CPXM2: variants seen among roughly 807,000 people sequenced by gnomAD.
The protein encoded by CPXM2 is carboxypeptidase X, M14 family member 2, also known as inactive carboxypeptidase-like protein X2.
Under a neutral mutation model 86.1 loss-of-function variants are expected in CPXM2, and 66 were observed. The ratio of observed to expected loss-of-function variants is 0.77; its 90% CI spans 0.63 to 0.94. CPXM2 has a LOEUF of 0.94. Among genes scored for constraint, CPXM2 ranks in the 40% least tolerant of loss-of-function variants. The pLI is 0.00. For missense variants in CPXM2, 948 were observed against 1,026.3 expected (o/e 0.92, Z 1.04); for synonymous variants, 388 against 400.2 (o/e 0.97, Z 0.36).
chr10:123,904,464 G>A (rs755698583), intron 2 of CPXM2, among the ~76,000 whole-genome samples: 5 of 152,172 alleles, frequency 3.3e-5, no homozygotes, highest in South Asian at 2.1e-4. Flanking sequence ...CCACCTCACC[G>A]ACCAGTTGTG....
At chr10:123,883,199 G>C (rs1345367247) in intron 1 of CPXM2, among the ~76,000 whole-genome samples, 1 of 152,230 alleles carries the variant, frequency 6.6e-6, no homozygotes, top group Admixed American at 6.5e-5. Context: ...TGACTCCCCT[G>C]GCAGGGGGAT....
chr10:123,825,388 C>T (rs918585267), intron 4 of CPXM2, among the ~76,000 whole-genome samples: 6 of 152,236 alleles, frequency 3.9e-5, no homozygotes, highest in African/African-American at 9.6e-5. Flanking sequence ...CAGCTGAATG[C>T]AGCAGGCCGT....
At chr10:123,906,820 G>T (rs1945446564) in intron 2 of CPXM2, among the ~76,000 whole-genome samples, 1 of 152,176 alleles carries the variant, frequency 6.6e-6, no homozygotes, top group Admixed American at 6.5e-5. Context: ...CCAAGGACCA[G>T]GATGGAAAGC....
At chr10:123,750,862 C>T (rs1245493241) in intron 13 of CPXM2, 2 of 985,322 alleles carry the variant, frequency 2.0e-6, no homozygotes, top group African/African-American at 1.7e-5. Context: ...CAGTTCTTGG[C>T]TGTTTTCCCC....
Position 123,785,730 on chromosome 10 carries a change from T to C in CPXM2, c.890-5475A>G, listed in dbSNP as rs571094300. ...TCACTGCAAGCTCCGCCTCCCGGGTTCACGCCATTCTCCTGTCTCAGCCTC... is the reference window on the plus strand; with the variant it reads ...TCACTGCAAGCTCCGCCTCCCGGGTCCACGCCATTCTCCTGTCTCAGCCTC... On this transcript the variant is annotated intron_variant, in intron 6 of 13. Transcript: ENST00000241305. Among the ~76,000 whole-genome samples, 14 of 152,036 alleles carry C rather than the reference T, an allele frequency of 9.2e-5. No individual in the cohort carries two copies. In the South Asian group the frequency reaches 1.7e-3, roughly 18 times the overall value.
intron 6 of CPXM2, among the ~76,000 whole-genome samples, chr10:123,787,419 CTT>C (rs1218078829): frequency 6.6e-6 from 1 of 151,942 alleles, no homozygotes; most frequent in African/African-American, 2.4e-5. Flanking sequence ...AAGTTTTGCT[CTT>C]GTCACCCAGC....
chr10:123,747,277 A>G (rs575522793), intron 13 of CPXM2, among the ~76,000 whole-genome samples: 1 of 152,226 alleles, frequency 6.6e-6, no homozygotes, highest in South Asian at 2.1e-4. Flanking sequence ...AAAGCTGGAG[A>G]GCCGATCACT....
chr10:123,771,528 T>C (rs1846631005), intron 7 of CPXM2, among the ~76,000 whole-genome samples: 1 of 152,144 alleles, frequency 6.6e-6, no homozygotes, highest in Non-Finnish European at 1.5e-5. Flanking sequence ...GAGTGAGCCC[T>C]CACCAGACCC....
chr10:123,791,848 G>A (rs1004407086), intron 6 of CPXM2, among the ~76,000 whole-genome samples: 4 of 152,204 alleles, frequency 2.6e-5, no homozygotes, highest in South Asian at 2.1e-4. Flanking sequence ...GCAGTCAGTC[G>A]TGGCGAGCCC....
chr10:123,880,695 G>A (rs1425136887), intron 1 of CPXM2, among the ~76,000 whole-genome samples: 2 of 151,764 alleles, frequency 1.3e-5, no homozygotes, highest in Admixed American at 6.6e-5. Context: ...CAGGCATGGT[G>A]GCGGGCACCT....
intron 10 of CPXM2, among the ~76,000 whole-genome samples, 192 bp downstream of exon 10, chr10:123,766,781 C>G (rs959157194): frequency 6.6e-6 from 1 of 152,122 alleles, no homozygotes; most frequent in African/African-American, 2.4e-5. Context: ...GATGATTTCT[C>G]CTCTATGAAG....
Position 123,933,442 on chromosome 10 carries a change from G to C in CPXM2, n.174+6035C>G, listed in dbSNP as rs1945685615. Among the ~76,000 whole-genome samples, 2 of 152,198 alleles carry C rather than the reference G, an allele frequency of 1.3e-5. 1 individual carries two copies. Among genetic ancestry groups the C allele is most frequent in the South Asian group, 4.1e-4 (2 of 4,828 alleles). Reference sequence around the variant, plus strand: ...AACTTTAAGAATCAAAAACAGGCTGGGTGCAGTTGCTCACGCCTATAATCT... The same window carrying C: ...AACTTTAAGAATCAAAAACAGGCTGCGTGCAGTTGCTCACGCCTATAATCT... On this transcript the variant is annotated intron_variant and non_coding_transcript_variant, in intron 2 of 19. Coordinates refer to the CPXM2 transcript ENST00000368854.
At chr10:123,880,702 A>G (rs373848390) in intron 1 of CPXM2, among the ~76,000 whole-genome samples, 121 of 151,762 alleles carry the variant, frequency 8.0e-4, no homozygotes, top group Non-Finnish European at 1.3e-3. Context: ...GGTGGCGGGC[A>G]CCTGTAGTCC....
chr10:123,800,028 GTTTTTTTTTTTT>G (rs530876054), intron 4 of CPXM2, among the ~76,000 whole-genome samples: 86 of 109,598 alleles, frequency 7.8e-4, no homozygotes, highest in Non-Finnish European at 1.3e-3. Flanking sequence ...TAGTTTTTTG[GTTTTTTTTTTTT>G]TTTTTTTTTT....
Position 123,870,917 on chromosome 10 carries a change from G to A in CPXM2, c.404-8194C>T, listed in dbSNP as rs373181478. ...CTGAGACAACCAGTCTCAGAAGAGA[G>A]TCCCTGCAAACCTGGCTGGGGTCTT... On this transcript the variant is annotated intron_variant, in intron 2 of 13. Coordinates refer to ENST00000241305, the MANE Select transcript of CPXM2 (RefSeq NM_198148.3). Among the ~76,000 whole-genome samples, 180 of 152,322 alleles carry A rather than the reference G, an allele frequency of 1.2e-3. 2 individuals carry two copies. The Middle Eastern group carries it at 0.014, about 12-fold the overall frequency.
intron 2 of CPXM2, among the ~76,000 whole-genome samples, chr10:123,867,609 C>T (rs925324612): frequency 6.7e-6 from 1 of 149,984 alleles, no homozygotes; most frequent in Admixed American, 6.6e-5. Flanking sequence ...TTTTGCTCAC[C>T]GCAACCTCCA....
chr10:123,797,960 A>AGGAGGGT lies in CPXM2; in HGVS notation c.889+9_889+15dup. The AGGAGGGT allele has an allele frequency of 6.3e-7, 1 of 1,583,654 alleles. No individual in the cohort carries two copies. ...AGTGCTCCCACCCTGCAGGAAGCAC[A>AGGAGGGT]GGAGGGTGAACTCACCTGGCAGTGG... On this transcript the variant is annotated intron_variant, in intron 6 of 13. Coordinates refer to ENST00000241305, the MANE Select transcript of CPXM2 (RefSeq NM_198148.3).
At chr10:123,807,024 G>A (rs978093864) in intron 4 of CPXM2, among the ~76,000 whole-genome samples, 1 of 152,180 alleles carries the variant, frequency 6.6e-6, no homozygotes, top group African/African-American at 2.4e-5. Context: ...GTAAGATAAG[G>A]TAACAACTCT....
At chr10:123,926,359 T>C (rs1590125691) in intron 2 of CPXM2, among the ~76,000 whole-genome samples, 2 of 152,244 alleles carry the variant, frequency 1.3e-5, no homozygotes, top group South Asian at 4.1e-4. Context: ...ATGCTCCTCC[T>C]GGGTTCCCCC....
Sources: gnomAD v4.1 joint callset for allele counts (sites outside exome capture counted in the v4.1 genomes callset) on GRCh38, gnomAD v4.1.1 for gene constraint, MANE v1.5 for transcripts, NCBI Gene and HGNC (gene_info 2026-07-23, HGNC 2026-07-21) for gene names.